Variants in H4C8 observed in about 807,000 individuals in gnomAD.
H4C8 encodes the protein H4 clustered histone 8.
H4C8 carries 8 observed loss-of-function variants against 6.0 expected under a neutral mutation model. The observed-to-expected ratio is 1.33, with a 90% CI of 0.78 to 2.40. H4C8 has a LOEUF of 2.40. Ranked by LOEUF, H4C8 falls within the 30% of genes most tolerant of loss-of-function variation. The pLI, the probability that H4C8 is intolerant of heterozygous loss-of-function variation, is 0.00. For missense variants in H4C8, 211 were observed against 143.4 expected, an observed-to-expected ratio of 1.47 and a Z score of -2.41; for synonymous variants, 118 against 51.9, an observed-to-expected ratio of 2.27 and a Z score of -5.47.
In H4C8 at chr6:26,285,157, A is replaced by C; in HGVS notation, c.*31T>G. 3 of 1,536,550 alleles carry C rather than the reference A, an allele frequency of 2.0e-6. No individual in the cohort carries two copies. The highest frequency in any genetic ancestry group is 2.6e-6 in the Non-Finnish European group (3 of 1,139,386). On this transcript the variant is annotated 3_prime_UTR_variant, in exon 1 of 1. Transcript: ENST00000377727. ...GCCCTGAAAAGGGCCTTTGGTTGAA[A>C]ATGAAAATAAGAGTGCAGCAAGCAG...
chr6:26,285,171 T>C lies in H4C8; in HGVS notation c.*17A>G, dbSNP rs753812930. 2.6e-6 allele frequency: 4 copies of C among 1,559,504 alleles called. No individual in the cohort carries two copies. The African/African-American group carries it at 5.5e-5, about 21-fold the overall frequency. On this transcript the variant is annotated 3_prime_UTR_variant, in exon 1 of 1. Transcript: ENST00000377727. The stretch of plus-strand genomic sequence containing the variant: ...CTTTGGTTGAAAATGAAAATAAGAG[T>C]GCAGCAAGCAGGAGCCTTAGCCACC...
Position 26,285,169 on chromosome 6 carries a change from A to T in H4C8, c.*19T>A. On this transcript the variant is annotated 3_prime_UTR_variant, in exon 1 of 1. Coordinates refer to ENST00000377727, the MANE Select transcript of H4C8 (RefSeq NM_003543.4). The stretch of plus-strand genomic sequence containing the variant: ...GCCTTTGGTTGAAAATGAAAATAAG[A>T]GTGCAGCAAGCAGGAGCCTTAGCCA... The T allele has an allele frequency of 6.4e-7, 1 of 1,553,538 alleles. No homozygotes were observed. Among genetic ancestry groups the T allele is most frequent in the Non-Finnish European group, 8.7e-7 (1 of 1,146,672 alleles).
In H4C8 at chr6:26,285,196, C is replaced by T. The variant is rs1760709255; in HGVS notation, c.304G>A (p.Gly102Ser). The stretch of plus-strand genomic sequence containing the variant: ...TGCAGCAAGCAGGAGCCTTAGCCAC[C>T]GAAGCCGTAAAGAGTGCGTCCCTGT... ...KRQGRTLYGF[G>S]G The change falls in exon 1 of 1, where the codon GGT (glycine) becomes AGT (serine). Residue 102 changes from glycine (G) to serine (S), a missense_variant. Physicochemically the swap from Gly to Ser is moderately conservative, Grantham distance 56. Transcript: ENST00000377727. 6.3e-7 allele frequency: 1 copy of T among 1,590,870 alleles called. No individual in the cohort carries two copies. Among genetic ancestry groups the T allele is most frequent in the African/African-American group, 1.3e-5 (1 of 74,520 alleles).
At position 26,285,456 on chromosome 6, in the gene H4C8, C is replaced by A. The variant is rs1183618111; in HGVS notation, c.44G>T (p.Gly15Val). ...CAAAACCTTGCGATGACGCTTAGCT[C>A]CTCCCTTACCCAAACCTTTTCCACC... ...GKGGKGLGKG[G>V]AKRHRKVLRD... Residue 15 changes from glycine to valine, a missense_variant, in exon 1 of 1, where the codon GGA (glycine) becomes GTA (valine). Gly to Val is a moderately radical substitution (Grantham distance 109, BLOSUM62 -3). Transcript: ENST00000377727. The A allele has an allele frequency of 6.2e-7, 1 of 1,611,648 alleles. No homozygotes were observed. The highest frequency in any genetic ancestry group is 1.3e-5 in the African/African-American group (1 of 74,890).
Position 26,285,428 on chromosome 6 carries a change from G to C in H4C8, c.72C>G (p.Arg24=), listed in dbSNP as rs373009713. The change falls in exon 1 of 1, where the codon CGC becomes CGG. Residue 24 remains arginine (R), a synonymous_variant. Transcript: ENST00000377727. ...GGAKRHRKVL[R]DNIQGITKPA... ...GCTTAGTGATGCCCTGGATGTTATC[G>C]CGCAAAACCTTGCGATGACGCTTAG... 3.1e-6 allele frequency: 5 copies of C among 1,614,224 alleles called. No homozygotes were observed. Among genetic ancestry groups the C allele is most frequent in the Non-Finnish European group, 4.2e-6 (5 of 1,180,028 alleles).
At position 26,285,389 on chromosome 6, in the gene H4C8, G is replaced by A. The variant is rs202065311; in HGVS notation, c.111C>T (p.Arg37=). 9 of 1,614,142 alleles carry A rather than the reference G, an allele frequency of 5.6e-6. No individual in the cohort carries two copies. The highest frequency in any genetic ancestry group is 1.3e-5 in the African/African-American group (1 of 74,938). Residue 37 remains arginine (R), a synonymous_variant, in exon 1 of 1, where the codon CGC becomes CGT. Coordinates refer to ENST00000377727, the MANE Select transcript of H4C8 (RefSeq NM_003543.4). ...IQGITKPAIR[R]LARRGGVKRI... is the part of the protein sequence containing the mutation. ...GCTTGACACCGCCGCGACGAGCAAGGCGCCGGATAGCTGGCTTAGTGATGC... is the reference window on the plus strand; with the variant it reads ...GCTTGACACCGCCGCGACGAGCAAGACGCCGGATAGCTGGCTTAGTGATGC...
chr6:26,285,256 C>G lies in H4C8; in HGVS notation c.244G>C (p.Val82Leu). 6.2e-7 allele frequency: 1 copy of G among 1,613,974 alleles called. No individual in the cohort carries two copies. Among genetic ancestry groups the G allele is most frequent in the South Asian group, 1.1e-5 (1 of 91,088 alleles). Residue 82 changes from valine (V) to leucine (L), a missense_variant, in exon 1 of 1, where the codon GTG (valine) becomes CTG (leucine). Val to Leu is a conservative substitution (Grantham distance 32). Coordinates refer to ENST00000377727, the MANE Select transcript of H4C8 (RefSeq NM_003543.4). ...GCGTAGACCACATCCATTGCTGTCA[C>G]GGTCTTGCGTTTGGCGTGCTCTGTG... is the stretch of plus-strand genomic sequence containing the variant. ...TYTEHAKRKT[V>L]TAMDVVYALK...
At position 26,285,443 on chromosome 6, in the gene H4C8, A is replaced by G. The variant is rs764523469; in HGVS notation, c.57T>C (p.His19=). 2.5e-6 allele frequency: 4 copies of G among 1,614,162 alleles called. No individual in the cohort carries two copies. The highest frequency in any genetic ancestry group is 2.5e-6 in the Non-Finnish European group (3 of 1,179,970). ...GGATGTTATCGCGCAAAACCTTGCG[A>G]TGACGCTTAGCTCCTCCCTTACCCA... is the stretch of plus-strand genomic sequence containing the variant. ...KGLGKGGAKR[H]RKVLRDNIQG... Residue 19 remains histidine (H), a synonymous_variant, in exon 1 of 1, where the codon CAT becomes CAC. Coordinates refer to ENST00000377727, the MANE Select transcript of H4C8 (RefSeq NM_003543.4).
In H4C8 at chr6:26,285,429, C is replaced by A; in HGVS notation, c.71G>T (p.Arg24Leu). The change falls in exon 1 of 1, where the codon CGC becomes CTC. Residue 24 changes from arginine (R) to leucine (L), a missense_variant. Transcript: ENST00000377727. ...CTTAGTGATGCCCTGGATGTTATCG[C>A]GCAAAACCTTGCGATGACGCTTAGC... is the stretch of plus-strand genomic sequence containing the variant. ...GGAKRHRKVL[R>L]DNIQGITKPA... 1 of 1,614,248 alleles carries A rather than the reference C, an allele frequency of 6.2e-7. No individual in the cohort carries two copies. Among genetic ancestry groups the A allele is most frequent in the Non-Finnish European group, 8.5e-7 (1 of 1,180,028 alleles).
At position 26,285,333 on chromosome 6, in the gene H4C8, C is replaced by G. The variant is rs759155398; in HGVS notation, c.167G>C (p.Arg56Pro). Residue 56 changes from arginine (R) to proline (P), a missense_variant, in exon 1 of 1, where the codon CGT becomes CCT. Arg to Pro is a moderately radical substitution (Grantham distance 103, BLOSUM62 -2). Transcript: ENST00000377727. ...CTCCAGGAACACCTTCAGAACACCA[C>G]GAGTCTCCTCATAGATAAGGCCAGA... The part of the protein sequence containing the change: ...RISGLIYEET[R>P]GVLKVFLENV... 2 of 1,614,204 alleles carry G rather than the reference C, an allele frequency of 1.2e-6. No individual in the cohort carries two copies.
At position 26,285,271 on chromosome 6, in the gene H4C8, C is replaced by T. The variant is rs866981647; in HGVS notation, c.229G>A (p.Ala77Thr). Residue 77 changes from alanine to threonine, a missense_variant, in exon 1 of 1, where the codon GCC becomes ACC. Transcript: ENST00000377727. ...ATTGCTGTCACGGTCTTGCGTTTGG[C>T]GTGCTCTGTGTAAGTGACAGCGTCA... ...IRDAVTYTEH[A>T]KRKTVTAMDV... 1.2e-6 allele frequency: 2 copies of T among 1,614,192 alleles called. No homozygotes were observed. The highest frequency in any genetic ancestry group is 1.7e-6 in the Non-Finnish European group (2 of 1,180,010).
rs766818614 is a variant in H4C8, at chr6:26,285,504, A to C, written c.-5T>G. 6.3e-7 allele frequency: 1 copy of C among 1,591,040 alleles called. No individual in the cohort carries two copies. Among genetic ancestry groups the C allele is most frequent in the Non-Finnish European group, 8.6e-7 (1 of 1,164,400 alleles). ...ACCTTTACCACGGCCAGACATGACT[A>C]AGCAACTTCTAAAACCAACTTAAGA... On this transcript the variant is annotated 5_prime_UTR_variant, in exon 1 of 1. Coordinates refer to ENST00000377727, the MANE Select transcript of H4C8 (RefSeq NM_003543.4).
chr6:26,285,471 C>T lies in H4C8; in HGVS notation c.29G>A (p.Gly10Asp), dbSNP rs201139253. MSGRGKGGKGLGKGGAKRHR... is the reference protein window; with the variant it reads MSGRGKGGKDLGKGGAKRHR... ...ACGCTTAGCTCCTCCCTTACCCAAA[C>T]CTTTTCCACCTTTACCACGGCCAGA... is the stretch of plus-strand genomic sequence containing the variant. The change falls in exon 1 of 1, where the codon GGT (glycine) becomes GAT (aspartate). Residue 10 changes from glycine to aspartate, a missense_variant. By Grantham distance (94) the Gly-to-Asp change is moderately conservative (BLOSUM62 -1). Coordinates refer to ENST00000377727, the MANE Select transcript of H4C8 (RefSeq NM_003543.4). 10 of 1,607,658 alleles carry T rather than the reference C, an allele frequency of 6.2e-6. No homozygotes were observed. The African/African-American group carries it at 1.2e-4, about 19-fold the overall frequency.
rs1367136905 is a variant in H4C8, at chr6:26,285,367, T to A, written c.133A>T (p.Lys45Ter). The change falls in exon 1 of 1, where the codon AAG becomes TAG. Residue 45 changes from lysine (K) to a stop codon, truncating the protein, a stop_gained. Coordinates refer to ENST00000377727, the MANE Select transcript of H4C8 (RefSeq NM_003543.4). LOFTEE classifies it high-confidence loss of function. The part of the protein sequence containing the change: ...IRRLARRGGV[K>*]RISGLIYEET... ...TCATAGATAAGGCCAGAAATTCGCT[T>A]GACACCGCCGCGACGAGCAAGGCGC... 6.2e-7 allele frequency: 1 copy of A among 1,614,244 alleles called. No homozygotes were observed.
chr6:26,285,455 T>TC lies in H4C8; in HGVS notation c.44dup (p.Ala16SerfsTer2). 3 of 1,613,580 alleles carry TC rather than the reference T, an allele frequency of 1.9e-6. No homozygotes were observed. Among genetic ancestry groups the TC allele is most frequent in the Non-Finnish European group, 2.5e-6 (3 of 1,179,558 alleles). The stretch of plus-strand genomic sequence containing the variant: ...GCAAAACCTTGCGATGACGCTTAGC[T>TC]CCTCCCTTACCCAAACCTTTTCCAC... On this transcript the variant is annotated frameshift_variant, in exon 1 of 1. Transcript: ENST00000377727. LOFTEE classifies it high-confidence loss of function.
In H4C8 at chr6:26,285,425, A is replaced by G. The variant is rs768333448; in HGVS notation, c.75T>C (p.Asp25=). ...GAKRHRKVLR[D]NIQGITKPAI... ...CTGGCTTAGTGATGCCCTGGATGTT[A>G]TCGCGCAAAACCTTGCGATGACGCT... The change falls in exon 1 of 1, where the codon GAT becomes GAC. Residue 25 remains aspartate, a synonymous_variant. Transcript: ENST00000377727. 2 of 1,614,258 alleles carry G rather than the reference A, an allele frequency of 1.2e-6. No individual in the cohort carries two copies. Among genetic ancestry groups the G allele is most frequent in the South Asian group, 1.1e-5 (1 of 91,090 alleles).
Position 26,285,261 on chromosome 6 carries a change from T to C in H4C8, c.239A>G (p.Lys80Arg). 6.2e-7 allele frequency: 1 copy of C among 1,614,144 alleles called. No homozygotes were observed. Among genetic ancestry groups the C allele is most frequent in the Non-Finnish European group, 8.5e-7 (1 of 1,179,956 alleles). Residue 80 changes from lysine to arginine, a missense_variant, in exon 1 of 1, where the codon AAG becomes AGG. Lys to Arg is a conservative substitution (Grantham distance 26). Transcript: ENST00000377727. Reference sequence around the variant, plus strand: ...GACCACATCCATTGCTGTCACGGTCTTGCGTTTGGCGTGCTCTGTGTAAGT... The same window carrying C: ...GACCACATCCATTGCTGTCACGGTCCTGCGTTTGGCGTGCTCTGTGTAAGT... ...AVTYTEHAKR[K>R]TVTAMDVVYA...
chr6:26,285,243 T>A lies in H4C8; in HGVS notation c.257A>T (p.Asp86Val). 1 of 1,613,666 alleles carries A rather than the reference T, an allele frequency of 6.2e-7. No homozygotes were observed. Among genetic ancestry groups the A allele is most frequent in the Non-Finnish European group, 8.5e-7 (1 of 1,179,580 alleles). Residue 86 changes from aspartate (D) to valine (V), a missense_variant, in exon 1 of 1, where the codon GAT becomes GTT. Physicochemically the swap from Asp to Val is radical, Grantham distance 152. Transcript: ENST00000377727. ...CTGTCGCTTCAGCGCGTAGACCACATCCATTGCTGTCACGGTCTTGCGTTT... is the reference window on the plus strand; with the variant it reads ...CTGTCGCTTCAGCGCGTAGACCACAACCATTGCTGTCACGGTCTTGCGTTT... ...HAKRKTVTAMDVVYALKRQGR... is the reference protein window; with the variant it reads ...HAKRKTVTAMVVVYALKRQGR...
Position 26,285,402 on chromosome 6 carries a change from G to A in H4C8, c.98C>T (p.Pro33Leu). ...GCGACGAGCAAGGCGCCGGATAGCT[G>A]GCTTAGTGATGCCCTGGATGTTATC... Reference protein sequence around the residue: ...LRDNIQGITKPAIRRLARRGG... With the variant: ...LRDNIQGITKLAIRRLARRGG... Residue 33 changes from proline to leucine, a missense_variant, in exon 1 of 1, where the codon CCA becomes CTA. Physicochemically the swap from Pro to Leu is moderately conservative, Grantham distance 98. Transcript: ENST00000377727. 1 of 1,614,232 alleles carries A rather than the reference G, an allele frequency of 6.2e-7. No homozygotes were observed. The highest frequency in any genetic ancestry group is 8.5e-7 in the Non-Finnish European group (1 of 1,180,048).
Sources: gnomAD v4.1 joint callset for allele counts on GRCh38, gnomAD v4.1.1 for gene constraint, MANE v1.5 for transcripts, NCBI Gene and HGNC (gene_info 2026-07-23, HGNC 2026-07-21) for gene names.